Variants in PRRX1 observed in about 807,000 individuals in gnomAD.
The protein encoded by PRRX1 is paired mesoderm homeobox protein 1.
A neutral mutation model predicts 24.0 loss-of-function variants in PRRX1; 8 were observed. The ratio of observed to expected loss-of-function variants is 0.33; its 90% CI spans 0.20 to 0.60. The LOEUF (loss-of-function observed/expected upper bound fraction) is 0.60. Among genes scored for constraint, PRRX1 ranks in the 20% least tolerant of loss-of-function variants. The pLI is 0.82. For missense variants in PRRX1, 281 were observed against 322.4 expected, an observed-to-expected ratio of 0.87 and a Z score of 0.98; for synonymous variants, 160 against 131.7, an observed-to-expected ratio of 1.22 and a Z score of -1.47.
chr1:170,721,586 G>A (rs1218427127), intron 2 of PRRX1, among the ~76,000 whole-genome samples: 1 of 152,174 alleles, frequency 6.6e-6, no homozygotes, highest in Non-Finnish European at 1.5e-5. Context: ...AAAAATGTCA[G>A]TGACAAAAGA....
At chr1:170,706,034 TATAA>T (rs1654557028) in intron 1 of PRRX1, among the ~76,000 whole-genome samples, 1 of 152,160 alleles carries the variant, frequency 6.6e-6, no homozygotes, top group Non-Finnish European at 1.5e-5. Flanking sequence ...TCTGGAACTT[TATAA>T]ATAGTTTTTC....
chr1:170,735,538 G>T (rs1164338576), intron 3 of PRRX1, among the ~76,000 whole-genome samples: 1 of 152,084 alleles, frequency 6.6e-6, no homozygotes, highest in Non-Finnish European at 1.5e-5. Context: ...GGTTCTCCAG[G>T]CACATTATTT....
At position 170,691,481 on chromosome 1, in the gene PRRX1, CT is replaced by C. The variant is rs1470384116; in HGVS notation, c.241+27025del. On this transcript the variant is annotated intron_variant, in intron 1 of 3. Coordinates refer to ENST00000239461, the MANE Select transcript of PRRX1 (RefSeq NM_022716.4). ...CTTTCCTTTCCTTTCCTTTCCTTTC[CT>C]TTCCTTTCCTTTCCTTTCCTTTCCT... Among the ~76,000 whole-genome samples, 10 of 144,046 alleles carry C rather than the reference CT, an allele frequency of 6.9e-5. No individual in the cohort carries two copies. In the South Asian group the frequency reaches 1.2e-3, roughly 17 times the overall value. The allele number at this position is 144,046 out of a possible 152,430, so 94.5% of individuals were successfully genotyped here. A position where few individuals can be genotyped will look rare whatever the true frequency, so the allele number is the denominator to read the frequency against.
At chr1:170,692,533 T>A (rs575959170) in intron 1 of PRRX1, among the ~76,000 whole-genome samples, 246 of 151,966 alleles carry the variant, frequency 1.6e-3, no homozygotes, top group Admixed American at 3.3e-3. Flanking sequence ...TTTTTTTTTT[T>A]AAATTCAGGC....
In PRRX1 at chr1:170,677,440, C is replaced by T. The variant is rs1462340588; in HGVS notation, c.241+12981C>T. ...CTTCAGTGGGAATGGTAGTAGGGTA[C>T]TGGGCATTTTGCTTACATTATTTCC... On this transcript the variant is annotated intron_variant, in intron 1 of 3. Coordinates refer to ENST00000239461, the MANE Select transcript of PRRX1 (RefSeq NM_022716.4). Among the ~76,000 whole-genome samples, 3 of 152,314 alleles carry T rather than the reference C, an allele frequency of 2.0e-5. No homozygotes were observed. In the South Asian group the frequency reaches 6.2e-4, roughly 32 times the overall value.
chr1:170,702,278 G>C (rs968488848), intron 1 of PRRX1, among the ~76,000 whole-genome samples: 2 of 152,138 alleles, frequency 1.3e-5, no homozygotes, highest in African/African-American at 4.8e-5. Flanking sequence ...ATGGCTCTGG[G>C]GGTTGGAGAC....
chr1:170,693,243 GATAA>G (rs1654051309), intron 1 of PRRX1, among the ~76,000 whole-genome samples: 1 of 152,030 alleles, frequency 6.6e-6, no homozygotes. Flanking sequence ...AATTAGCATT[GATAA>G]ATGACTCGCA....
chr1:170,691,649 A>G (rs529085938), intron 1 of PRRX1, among the ~76,000 whole-genome samples: 1 of 148,226 alleles, frequency 6.7e-6, no homozygotes, highest in East Asian at 2.0e-4. Flanking sequence ...GCTTTCTTTA[A>G]TTTCACTCTT....
At chr1:170,679,960 A>G (rs569188995) in intron 1 of PRRX1, among the ~76,000 whole-genome samples, 2 of 152,264 alleles carry the variant, frequency 1.3e-5, no homozygotes, top group South Asian at 4.1e-4. Context: ...TTATGGTCTG[A>G]TAAAGCCAAG....
chr1:170,718,815 G>T (rs1654991844), intron 1 of PRRX1, among the ~76,000 whole-genome samples: 1 of 152,180 alleles, frequency 6.6e-6, no homozygotes, highest in Non-Finnish European at 1.5e-5. Context: ...ACTGGGCTGG[G>T]TGGGGGCAGC....
chr1:170,736,137 A>C lies in PRRX1; in HGVS notation c.689A>C (p.Lys230Thr). 1 of 1,614,192 alleles carries C rather than the reference A, an allele frequency of 6.2e-7. No homozygotes were observed. Among genetic ancestry groups the C allele is most frequent in the Non-Finnish European group, 8.5e-7 (1 of 1,180,006 alleles). Reference protein sequence around the residue: ...MANSIANLRLKAKEYSLQRNQ... With the variant: ...MANSIANLRLTAKEYSLQRNQ... Reference sequence around the variant, plus strand: ...AACAGCATTGCCAACCTGAGACTGAAGGCCAAGGAATATAGTTTACAGAGG... The same window carrying C: ...AACAGCATTGCCAACCTGAGACTGACGGCCAAGGAATATAGTTTACAGAGG... The change falls in exon 4 of 4, where the codon AAG becomes ACG. Residue 230 changes from lysine to threonine, a missense_variant. Lys to Thr is a moderately conservative substitution (Grantham distance 78, BLOSUM62 -1). Coordinates refer to ENST00000239461, the MANE Select transcript of PRRX1 (RefSeq NM_022716.4).
At chr1:170,674,657 C>A (rs1049417317) in intron 1 of PRRX1, among the ~76,000 whole-genome samples, 10 of 151,632 alleles carry the variant, frequency 6.6e-5, no homozygotes, top group African/African-American at 2.4e-4. Context: ...CTGCAGTAAG[C>A]AAATTTTTTT....
intron 1 of PRRX1, chr1:170,667,756 A>G (rs2101882120): frequency 6.6e-6 from 1 of 152,274 alleles, no homozygotes; most frequent in African/African-American, 2.4e-5. Flanking sequence ...CTGCGGAGAG[A>G]TGGGGAATAT....
intron 1 of PRRX1, among the ~76,000 whole-genome samples, chr1:170,703,178 C>T (rs182672003): frequency 6.8e-4 from 104 of 152,342 alleles, no homozygotes; most frequent in Admixed American, 1.7e-3. Context: ...CTTAAAAGTT[C>T]TTCCACTTCT....
chr1:170,718,995 G>C (rs1239076189), intron 1 of PRRX1, among the ~76,000 whole-genome samples: 1 of 152,170 alleles, frequency 6.6e-6, no homozygotes, highest in Non-Finnish European at 1.5e-5. Flanking sequence ...ACTCAAGTTT[G>C]AGTGAAACAT....
chr1:170,679,197 G>T (rs1346475078), intron 1 of PRRX1, among the ~76,000 whole-genome samples: 1 of 152,150 alleles, frequency 6.6e-6, no homozygotes, highest in East Asian at 1.9e-4. Context: ...CACTTATCAT[G>T]GTGCTTTTTA....
At chr1:170,723,937 T>C (rs1336498120) in intron 2 of PRRX1, among the ~76,000 whole-genome samples, 2 of 113,978 alleles carry the variant, frequency 1.8e-5, no homozygotes, top group East Asian at 2.9e-4. Flanking sequence ...CTGTCGTATA[T>C]GAGGTCCATC....
At chr1:170,734,894 T>C (rs957672630) in intron 3 of PRRX1, among the ~76,000 whole-genome samples, 1 of 152,140 alleles carries the variant, frequency 6.6e-6, no homozygotes, top group African/African-American at 2.4e-5. Context: ...TAGCTTTACT[T>C]TTCTCTCTTT....
chr1:170,702,021 G>C (rs1421119468), intron 1 of PRRX1, among the ~76,000 whole-genome samples: 1 of 152,006 alleles, frequency 6.6e-6, no homozygotes, highest in African/African-American at 2.4e-5. Flanking sequence ...GGGGGGAGGG[G>C]GCGAGAATGG....
Sources: allele counts gnomAD v4.1 joint callset (sites outside exome capture counted in the v4.1 genomes callset), GRCh38; gene constraint gnomAD v4.1.1; transcripts MANE v1.5; gene names NCBI Gene and HGNC (gene_info 2026-07-23, HGNC 2026-07-21).